SPAG16: variants seen among roughly 807,000 people sequenced by gnomAD.
SPAG16 encodes the protein sperm-associated antigen 16 protein.
In SPAG16, 86 loss-of-function variants were observed where a neutral mutation model predicts 80.4. The observed-to-expected ratio is 1.07, with a 90% CI of 0.90 to 1.28. SPAG16 has a LOEUF of 1.28. Among genes scored for constraint, SPAG16 ranks in the 50% most tolerant of loss-of-function variants. The pLI is 0.00. For synonymous variants in SPAG16, 294 were observed against 265.9 expected, an observed-to-expected ratio of 1.11 and a Z score of -1.03; for missense variants, 870 against 765.3, an observed-to-expected ratio of 1.14 and a Z score of -1.61.
chr2:213,316,214 A>G (rs2063393513), intron 4 of SPAG16, among the ~76,000 whole-genome samples: 1 of 152,006 alleles, frequency 6.6e-6, no homozygotes, highest in Non-Finnish European at 1.5e-5. Flanking sequence ...CACTTAGTAA[A>G]TAAATGGCTA....
intron 10 of SPAG16, among the ~76,000 whole-genome samples, chr2:213,718,451 G>A (rs2125384706): frequency 6.6e-6 from 1 of 152,310 alleles, no homozygotes; most frequent in South Asian, 2.1e-4. Flanking sequence ...GGCTGGCCAA[G>A]GCTGGAGCCC....
intron 9 of SPAG16, among the ~76,000 whole-genome samples, chr2:213,380,109 A>T (rs1385575153): frequency 6.6e-6 from 1 of 152,120 alleles, no homozygotes; most frequent in Non-Finnish European, 1.5e-5. Context: ...TAAGTCCCTG[A>T]CCATCCAGCC....
chr2:213,804,618 G>C (rs2071634376), intron 10 of SPAG16, among the ~76,000 whole-genome samples: 1 of 152,202 alleles, frequency 6.6e-6, no homozygotes, highest in Non-Finnish European at 1.5e-5. Context: ...TGGAGGCGGA[G>C]CTTGCAGTGA....
Position 214,076,920 on chromosome 2 carries a change from A to C in SPAG16, c.1528-31276A>C, listed in dbSNP as rs1434566396. ...AGTTGGATTTAGTGATATGAGCTGG[A>C]GACATAGTTCAGAGTCATCTTATAT... On this transcript the variant is annotated intron_variant, in intron 13 of 15. Transcript: ENST00000331683. Among the ~76,000 whole-genome samples the C allele has an allele frequency of 2.6e-5, 4 of 152,274 alleles. No homozygotes were observed. In the South Asian group the frequency reaches 8.3e-4, roughly 32 times the overall value.
chr2:213,404,971 G>A (rs1318578561), intron 9 of SPAG16, among the ~76,000 whole-genome samples: 1 of 152,112 alleles, frequency 6.6e-6, no homozygotes, highest in Non-Finnish European at 1.5e-5. Flanking sequence ...CCAAATTGCA[G>A]TTCTGGTTTT....
intron 15 of SPAG16, among the ~76,000 whole-genome samples, chr2:214,340,301 C>T (rs1039120327): frequency 1.3e-5 from 2 of 152,214 alleles, no homozygotes; most frequent in Non-Finnish European, 2.9e-5. Flanking sequence ...TTTCTTCATA[C>T]ATTTAACATA....
At chr2:213,660,938 G>A (rs1436587909) in intron 10 of SPAG16, among the ~76,000 whole-genome samples, 2 of 152,052 alleles carry the variant, frequency 1.3e-5, no homozygotes, top group Admixed American at 6.6e-5. Flanking sequence ...CAGAGCTCAG[G>A]GCCTTTGCAG....
chr2:214,010,187 A>G (rs1272860582), intron 12 of SPAG16, among the ~76,000 whole-genome samples: 1 of 146,420 alleles, frequency 6.8e-6, no homozygotes, highest in Non-Finnish European at 1.5e-5. Context: ...AGTGAACTAG[A>G]AAACAGAAAT....
chr2:213,651,553 G>C (rs2063024658), intron 10 of SPAG16, among the ~76,000 whole-genome samples: 1 of 152,112 alleles, frequency 6.6e-6, no homozygotes, highest in African/African-American at 2.4e-5. Context: ...TGAGTGACAT[G>C]TATTAACAAC....
chr2:214,327,235 GAGTT>G (rs1031475915), intron 15 of SPAG16, among the ~76,000 whole-genome samples: 49 of 152,314 alleles, frequency 3.2e-4, no homozygotes, highest in Admixed American at 3.1e-3. Context: ...TTTAAACAAT[GAGTT>G]AGTCCAATTG....
At chr2:214,278,655 A>C (rs969235766) in intron 15 of SPAG16, among the ~76,000 whole-genome samples, 2 of 152,190 alleles carry the variant, frequency 1.3e-5, no homozygotes, top group African/African-American at 2.4e-5. Flanking sequence ...TGGTAAATAA[A>C]ATGAGGAAAT....
At chr2:214,055,469 A>T (rs1238956969) in intron 13 of SPAG16, among the ~76,000 whole-genome samples, 1 of 152,164 alleles carries the variant, frequency 6.6e-6, no homozygotes, top group African/African-American at 2.4e-5. Context: ...CCTGAATTTT[A>T]ACCTGTCAAA....
At chr2:214,391,687 A>C (rs906747217) in intron 15 of SPAG16, among the ~76,000 whole-genome samples, 1 of 152,198 alleles carries the variant, frequency 6.6e-6, no homozygotes, top group Non-Finnish European at 1.5e-5. Flanking sequence ...TCAAATGCCT[A>C]AAGAAGACGA....
intron 7 of SPAG16, among the ~76,000 whole-genome samples, chr2:213,359,358 T>G (rs2065849145): frequency 6.6e-6 from 1 of 152,214 alleles, no homozygotes; most frequent in South Asian, 2.1e-4. Flanking sequence ...CTGCCTTTTG[T>G]TCAGCTATGC....
chr2:214,178,228 G>A (rs553532260), intron 15 of SPAG16, among the ~76,000 whole-genome samples: 8 of 150,030 alleles, frequency 5.3e-5, no homozygotes, highest in Non-Finnish European at 8.9e-5. Flanking sequence ...TCTTTCTTCA[G>A]ACAGGAGATA....
intron 15 of SPAG16, among the ~76,000 whole-genome samples, chr2:214,365,015 G>A (rs10197985): frequency 0.68 from 102,905 of 151,964 alleles, 35,532 homozygotes; most frequent in African/African-American, 0.76. Context: ...TAAATGAGAA[G>A]TAAAAAAAGA....
chr2:214,249,518 G>T (rs897862420), intron 15 of SPAG16, among the ~76,000 whole-genome samples: 7 of 151,948 alleles, frequency 4.6e-5, no homozygotes, highest in Non-Finnish European at 4.4e-5. Context: ...TCACAGAAAT[G>T]AATAACATGT....
chr2:213,899,516 G>A (rs2077129283), intron 11 of SPAG16, among the ~76,000 whole-genome samples: 1 of 152,052 alleles, frequency 6.6e-6, no homozygotes, highest in Non-Finnish European at 1.5e-5. Context: ...AGATTAAATG[G>A]ATTTAAAGCC....
intron 10 of SPAG16, among the ~76,000 whole-genome samples, chr2:213,641,869 G>T (rs1256816736): frequency 1.3e-5 from 2 of 152,180 alleles, no homozygotes; most frequent in African/African-American, 4.8e-5. Context: ...GGTGGAAAGG[G>T]AAGCAAGAAC....
Sources: allele counts gnomAD v4.1 joint callset (sites outside exome capture counted in the v4.1 genomes callset), GRCh38; gene constraint gnomAD v4.1.1; transcripts MANE v1.5; gene names NCBI Gene and HGNC (gene_info 2026-07-23, HGNC 2026-07-21).